The following MTUS2 variants were observed in gnomAD, a reference collection of about 807,000 sequenced individuals.
MTUS2 encodes the protein microtubule associated scaffold protein 2.
In MTUS2, 40 loss-of-function variants were observed where a neutral mutation model predicts 114.1. The ratio of observed to expected loss-of-function variants is 0.35; its 90% confidence interval spans 0.27 to 0.46. The LOEUF is 0.46. Ranked by LOEUF, MTUS2 falls within the 20% of genes least tolerant of loss-of-function variation. The probability of loss-of-function intolerance (pLI) is 1.00; values close to 1 mark genes in which losing one functional copy is unlikely to be tolerated. For missense variants in MTUS2, 1,679 were observed against 1,705.4 expected (o/e 0.98, Z 0.27); for synonymous variants, 688 against 672.0 (o/e 1.02, Z -0.37).
chr13:29,372,750 C>A (rs1243167243), intron 8 of MTUS2, among the ~76,000 whole-genome samples: 1 of 152,086 alleles, frequency 6.6e-6, no homozygotes, highest in South Asian at 2.1e-4. Context: ...TGTATGTTAT[C>A]ATCAATAGAA....
At chr13:29,080,816 C>T (rs1889407537) in intron 4 of MTUS2, among the ~76,000 whole-genome samples, 1 of 152,282 alleles carries the variant, frequency 6.6e-6, no homozygotes, top group East Asian at 1.9e-4. Context: ...ACCTCTGCCT[C>T]CTGGGTTCAA....
At chr13:29,244,325 C>T (rs986725952) in intron 5 of MTUS2, among the ~76,000 whole-genome samples, 11 of 152,030 alleles carry the variant, frequency 7.2e-5, no homozygotes, top group African/African-American at 1.7e-4. Flanking sequence ...CAGTCATGAT[C>T]GAGGGCTGGG....
intron 8 of MTUS2, among the ~76,000 whole-genome samples, chr13:29,402,481 G>T (rs1455503431): frequency 6.6e-6 from 1 of 152,032 alleles, no homozygotes; most frequent in African/African-American, 2.4e-5. Context: ...AGACTACAGA[G>T]ATAATAGTGG....
At chr13:29,486,480 G>A (rs1881624884) in intron 10 of MTUS2, among the ~76,000 whole-genome samples, 1 of 152,178 alleles carries the variant, frequency 6.6e-6, no homozygotes, top group African/African-American at 2.4e-5. Flanking sequence ...GTTAGCCTGT[G>A]AATTCTCCCC....
At chr13:29,500,022 C>T (rs1311135788) in intron 14 of MTUS2, among the ~76,000 whole-genome samples, 2 of 152,214 alleles carry the variant, frequency 1.3e-5, no homozygotes, top group Non-Finnish European at 2.9e-5. Context: ...GCAGCCTTGC[C>T]AGTGTGGGGA....
At position 29,071,409 on chromosome 13, in the gene MTUS2, A is replaced by ATTTTTTTTTTT. The variant is rs751020009; in HGVS notation, c.2447-29340_2447-29330dup. Among the ~76,000 whole-genome samples the ATTTTTTTTTTT allele has an allele frequency of 9.3e-4, 43 of 46,138 alleles. 7 individuals carry two copies. Among genetic ancestry groups the ATTTTTTTTTTT allele is most frequent in the Admixed American group, 1.5e-3 (4 of 2,616 alleles). 30.3% of individuals were successfully genotyped at this position (46,138 alleles called of 152,430 possible). ...TTTAAAAGATCTCTATGTTGCTTGA[A>ATTTTTTTTTTT]TTTTTTTTTTTTTTTTTTTTTTTTT... On this transcript the variant is annotated intron_variant, in intron 4 of 15. Transcript: ENST00000612955.
intron 2 of MTUS2, among the ~76,000 whole-genome samples, chr13:28,946,304 T>TGTGTGTGTGC (rs1179597309): frequency 6.7e-6 from 1 of 150,216 alleles, no homozygotes. Flanking sequence ...TGTGTGTGTG[T>TGTGTGTGTGC]GCGCGCGCAC....
At chr13:28,904,990 G>A (rs7990183) in intron 2 of MTUS2, among the ~76,000 whole-genome samples, 5 of 150,130 alleles carry the variant, frequency 3.3e-5, no homozygotes, top group Non-Finnish European at 5.9e-5. Context: ...AGTTGGATTC[G>A]TAGGTATTTT....
At chr13:29,182,424 G>C (rs571987321) in intron 5 of MTUS2, among the ~76,000 whole-genome samples, 2 of 152,318 alleles carry the variant, frequency 1.3e-5, no homozygotes, top group South Asian at 4.1e-4. Context: ...ACGTAGTTTA[G>C]TAAAACTGCG....
intron 7 of MTUS2, among the ~76,000 whole-genome samples, chr13:29,328,599 A>G (rs531551678): frequency 2.2e-4 from 34 of 152,204 alleles, no homozygotes; most frequent in Non-Finnish European, 4.1e-4. Flanking sequence ...TATGTAAATG[A>G]AGCCTCATAT....
At position 29,312,502 on chromosome 13, in the gene MTUS2, T is replaced by A. The variant is rs566824465; in HGVS notation, c.2807-12111T>A. Among the ~76,000 whole-genome samples, 46 of 152,296 alleles carry A rather than the reference T, an allele frequency of 3.0e-4. 2 individuals are homozygous for A. In the South Asian group the frequency reaches 9.5e-3, roughly 32 times the overall value. Reference sequence around the variant, plus strand: ...TAGACTACATTAGGGATTTTTAAATTTATACGGGGAGAATGTTAGCTTTAA... The same window carrying A: ...TAGACTACATTAGGGATTTTTAAATATATACGGGGAGAATGTTAGCTTTAA... On this transcript the variant is annotated intron_variant, in intron 6 of 15. Transcript: ENST00000612955.
intron 1 of MTUS2, among the ~76,000 whole-genome samples, chr13:28,830,813 A>AT (rs1231714549): frequency 4.6e-5 from 7 of 152,218 alleles, no homozygotes; most frequent in African/African-American, 1.7e-4. Flanking sequence ...CTTCAATAAG[A>AT]TTAACAGCTG....
At chr13:29,065,216 G>A (rs1888609537) in intron 4 of MTUS2, among the ~76,000 whole-genome samples, 1 of 152,168 alleles carries the variant, frequency 6.6e-6, no homozygotes, top group Non-Finnish European at 1.5e-5. Context: ...GCTTTCCACA[G>A]TGGTTGAGCT....
intron 2 of MTUS2, among the ~76,000 whole-genome samples, chr13:28,913,903 T>G (rs1464253809): frequency 2.0e-5 from 3 of 152,206 alleles, no homozygotes; most frequent in Admixed American, 6.5e-5. Flanking sequence ...TTTATGTGCA[T>G]AGAGGTGTTT....
intron 5 of MTUS2, among the ~76,000 whole-genome samples, chr13:29,195,651 G>A (rs1317499420): frequency 1.3e-5 from 2 of 151,252 alleles, no homozygotes; most frequent in Middle Eastern, 3.4e-3. Context: ...AAAGCCAGAC[G>A]CCCTGTGGAG....
chr13:28,935,708 A>G (rs906285457), intron 2 of MTUS2, among the ~76,000 whole-genome samples: 1 of 152,148 alleles, frequency 6.6e-6, no homozygotes, highest in African/African-American at 2.4e-5. Flanking sequence ...AAATGCAATT[A>G]TAAACATTTT....
chr13:29,366,239 G>A (rs1166140917), intron 8 of MTUS2, among the ~76,000 whole-genome samples: 1 of 152,186 alleles, frequency 6.6e-6, no homozygotes, highest in African/African-American at 2.4e-5. Flanking sequence ...CATGGCAGAA[G>A]GTGAAAGGCA....
chr13:29,359,122 T>C (rs910752220), intron 7 of MTUS2, 140 bp from the exon 8 acceptor site: 3 of 835,504 alleles, frequency 3.6e-6, no homozygotes, highest in African/African-American at 3.5e-5. Flanking sequence ...TGTTTTTTCT[T>C]TTCAATCCTT....
chr13:29,060,339 TTCTCCAGTTC>T (rs372332858), intron 4 of MTUS2, among the ~76,000 whole-genome samples: 72 of 152,226 alleles, frequency 4.7e-4, no homozygotes, highest in African/African-American at 1.6e-3. Context: ...GTTCCCAGTT[TTCTCCAGTTC>T]CTTGTGGAGA....
Sources: allele counts gnomAD v4.1 joint callset (sites outside exome capture counted in the v4.1 genomes callset), GRCh38; gene constraint gnomAD v4.1.1; transcripts MANE v1.5; gene names NCBI Gene and HGNC (gene_info 2026-07-23, HGNC 2026-07-21).